Variants in MAP7D2 observed in about 807,000 individuals in gnomAD.
The protein encoded by MAP7D2 is MAP7 domain-containing protein 2.
In MAP7D2, 33 loss-of-function variants were observed where a neutral mutation model predicts 63.5. The observed-to-expected ratio is 0.52, with a 90% CI of 0.39 to 0.70. MAP7D2 has a LOEUF of 0.70. Ranked by LOEUF, MAP7D2 falls within the 30% of genes least tolerant of loss-of-function variation. The pLI, the probability that MAP7D2 is intolerant of heterozygous loss-of-function variation, is 0.00. For synonymous variants in MAP7D2, 224 were observed against 223.7 expected, an observed-to-expected ratio of 1.00 and a Z score of -0.01; for missense variants, 626 against 604.0, an observed-to-expected ratio of 1.04 and a Z score of -0.38.
At position 20,007,733 on chromosome X, in the gene MAP7D2, G is replaced by A. The variant is rs910946709; in HGVS notation, c.*692C>T. ...GAAAGAGTCCTTGCTAGATTCAGTT[G>A]CCCATGTATACACGAATATGCATAA... On this transcript the variant is annotated 3_prime_UTR_variant, in exon 17 of 17. Transcript: ENST00000379643. 3.6e-5 allele frequency: 4 copies of A among 111,880 alleles called. No homozygotes were observed. The highest frequency in any genetic ancestry group is 1.3e-4 in the African/African-American group (4 of 30,760). 9.2% of individuals were successfully genotyped at this position (111,880 alleles called of 1,213,427 possible). A position where few individuals can be genotyped will look rare whatever the true frequency, so the allele number is the denominator to read the frequency against.
intron 1 of MAP7D2, among the ~76,000 whole-genome samples, chrX:20,086,492 G>C (rs1322481017): frequency 8.9e-6 from 1 of 112,234 alleles, no homozygotes; most frequent in Non-Finnish European, 1.9e-5. Context: ...GTGGGGAGGA[G>C]AGAGTCAAAG....
chrX:20,068,972 C>T (rs1336637722), intron 1 of MAP7D2, among the ~76,000 whole-genome samples: 1 of 111,772 alleles, frequency 8.9e-6, no homozygotes, highest in Non-Finnish European at 1.9e-5. Context: ...TGCCTTTCGC[C>T]TCCCTCCATG....
intron 1 of MAP7D2, among the ~76,000 whole-genome samples, chrX:20,083,363 A>T (rs1489077224): frequency 8.9e-6 from 1 of 112,115 alleles, no homozygotes; most frequent in Non-Finnish European, 1.9e-5. Context: ...ATTCCAAAAT[A>T]ACACATAGGA....
intron 1 of MAP7D2, among the ~76,000 whole-genome samples, chrX:20,091,690 C>G (rs934996501): frequency 9.0e-6 from 1 of 111,580 alleles, no homozygotes; most frequent in Non-Finnish European, 1.9e-5. Context: ...TCTCTGACCT[C>G]GCTCAGAAAA....
At chrX:20,020,879 G>C (rs909793484) in intron 10 of MAP7D2, among the ~76,000 whole-genome samples, 2 of 111,767 alleles carry the variant, frequency 1.8e-5, no homozygotes, top group African/African-American at 6.5e-5. Flanking sequence ...TAAAAAGATG[G>C]GGTCTCTCTA....
intron 1 of MAP7D2, among the ~76,000 whole-genome samples, chrX:20,108,190 G>T (rs888160457): frequency 9.1e-6 from 1 of 110,138 alleles, no homozygotes; most frequent in African/African-American, 3.3e-5. Context: ...TTATCAATCT[G>T]CAATAAAGAA....
At chrX:20,115,328 T>G (rs1251547441) in intron 1 of MAP7D2, among the ~76,000 whole-genome samples, 1 of 104,640 alleles carries the variant, frequency 9.6e-6, no homozygotes, top group East Asian at 3.1e-4. Flanking sequence ...TCCCCACCTC[T>G]CATGAGTACA....
At position 20,016,200 on chromosome X, in the gene MAP7D2, T is replaced by A; in HGVS notation, c.1538A>T (p.Glu513Val). The change falls in exon 11 of 17, where the codon GAG becomes GTG. Residue 513 changes from glutamate (E) to valine (V), a missense_variant. Coordinates refer to ENST00000379643, the MANE Select transcript of MAP7D2 (RefSeq NM_001168465.2). Reference protein sequence around the residue: ...EEEKKKQEGEEKRKAGEEAKR... With the variant: ...EEEKKKQEGEVKRKAGEEAKR... ...GGCCTCCTCGCCTGCCTTTCTTTTC[T>A]CTTCCCCTTCCTGTTTTTTCTTTTC... The A allele has an allele frequency of 7.5e-6, 9 of 1,195,685 alleles. No homozygotes were observed. Among genetic ancestry groups the A allele is most frequent in the Non-Finnish European group, 1.0e-5 (9 of 887,082 alleles).
intron 1 of MAP7D2, among the ~76,000 whole-genome samples, chrX:20,077,366 T>C (rs186863965): frequency 5.4e-5 from 6 of 111,455 alleles, no homozygotes; most frequent in Admixed American, 1.9e-4. Flanking sequence ...GGCACGAGAA[T>C]TGCTTGAACC....
At chrX:20,077,075 C>T (rs1178874827) in intron 1 of MAP7D2, among the ~76,000 whole-genome samples, 1 of 112,293 alleles carries the variant, frequency 8.9e-6, no homozygotes, top group African/African-American at 3.2e-5. Context: ...TGGATCCCTC[C>T]CCTGACCCCC....
At chrX:20,026,249 T>TA (rs1431108659) in intron 8 of MAP7D2, among the ~76,000 whole-genome samples, 2 of 112,051 alleles carry the variant, frequency 1.8e-5, no homozygotes, top group Non-Finnish European at 3.8e-5. Context: ...GGCACTTCCC[T>TA]ACTCCCTCTT....
intron 8 of MAP7D2, among the ~76,000 whole-genome samples, chrX:20,035,926 ATG>A (rs59706024): frequency 0.51 from 50,451 of 98,003 alleles, 11,112 homozygotes; most frequent in East Asian, 0.8. Flanking sequence ...AAAAATATAT[ATG>A]TGTGTGTGTG....
chrX:20,039,807 T>G (rs1200143375), intron 8 of MAP7D2, among the ~76,000 whole-genome samples: 1 of 110,262 alleles, frequency 9.1e-6, no homozygotes, highest in Non-Finnish European at 1.9e-5. Context: ...GAGACCATCC[T>G]GGCCAATGTG....
chrX:20,070,224 G>GGCATGAGCC (rs1443852607), intron 1 of MAP7D2, among the ~76,000 whole-genome samples: 1 of 110,803 alleles, frequency 9.0e-6, no homozygotes, highest in Non-Finnish European at 1.9e-5. Flanking sequence ...TGGGATTAAA[G>GGCATGAGCC]GCATGAGCCA....
chrX:20,043,740 C>T (rs773593013), intron 7 of MAP7D2, among the ~76,000 whole-genome samples: 1 of 112,481 alleles, frequency 8.9e-6, no homozygotes, highest in Non-Finnish European at 1.9e-5. Flanking sequence ...CAATCAATAA[C>T]TAACAAAAGT....
At position 20,115,744 on chromosome X, in the gene MAP7D2, C is replaced by G. The variant is rs1209969233; in HGVS notation, c.130+1006G>C. ...TAAGAAGATTTCTCTTGATTTCTTT[C>G]CTTTTCTTGGCCCATCGTATATAAA... On this transcript the variant is annotated intron_variant, in intron 1 of 16. Transcript: ENST00000379643. Among the ~76,000 whole-genome samples the G allele has an allele frequency of 5.4e-5, 6 of 111,735 alleles. No homozygotes were observed. The Admixed American group carries it at 5.7e-4, about 11-fold the overall frequency.
At chrX:20,115,034 T>G (rs2066852520) in intron 1 of MAP7D2, among the ~76,000 whole-genome samples, 2 of 112,035 alleles carry the variant, frequency 1.8e-5, no homozygotes, top group African/African-American at 6.5e-5. Flanking sequence ...CATACCAACC[T>G]TAATGCACAT....
chrX:20,111,989 C>T lies in MAP7D2; in HGVS notation c.130+4761G>A, dbSNP rs370226484. 8.4e-4 allele frequency among the ~76,000 whole-genome samples: 94 copies of T among 111,776 alleles called. 1 individual carries two copies. The highest frequency in any genetic ancestry group is 3.0e-3 in the African/African-American group (93 of 30,714). On this transcript the variant is annotated intron_variant, in intron 1 of 16. Coordinates refer to ENST00000379643, the MANE Select transcript of MAP7D2 (RefSeq NM_001168465.2). ...GTTTTGCCATGTTGCCCAGGCTGGT[C>T]TTGAACTCCTGAGTGCAAGCGATCT...
chrX:20,107,684 T>C (rs2066609800), intron 1 of MAP7D2, among the ~76,000 whole-genome samples: 2 of 111,810 alleles, frequency 1.8e-5, no homozygotes, highest in Non-Finnish European at 3.8e-5. Context: ...TCTTAATGTG[T>C]CTACTAGAAA....
Sources: allele counts gnomAD v4.1 joint callset (sites outside exome capture counted in the v4.1 genomes callset), GRCh38; gene constraint gnomAD v4.1.1; transcripts MANE v1.5; gene names NCBI Gene and HGNC (gene_info 2026-07-23, HGNC 2026-07-21).